Variants in LACC1 observed in about 807,000 individuals in gnomAD.
LACC1 encodes laccase domain multifunctional purine nucleosidase 1.
LACC1 carries 25 observed loss-of-function variants against 34.8 expected under a neutral mutation model. The observed-to-expected ratio is 0.72, with a 90% CI of 0.52 to 1.00. The LOEUF (loss-of-function observed/expected upper bound fraction) is 1.00, where lower values mean the gene tolerates loss of function less well. LACC1 is among the 50% of genes least tolerant of loss of function. The pLI, the probability that LACC1 is intolerant of heterozygous loss-of-function variation, is 0.00. For missense variants in LACC1, 426 were observed against 511.2 expected, an observed-to-expected ratio of 0.83 and a Z score of 1.61; for synonymous variants, 162 against 168.0, an observed-to-expected ratio of 0.96 and a Z score of 0.28.
intron 4 of LACC1, among the ~76,000 whole-genome samples, chr13:43,884,728 A>G (rs900278702): frequency 1.3e-5 from 2 of 152,122 alleles, no homozygotes; most frequent in Non-Finnish European, 1.5e-5. Flanking sequence ...CTACTTGTAA[A>G]TCTATGGCTA....
In LACC1 at chr13:43,883,462, A is replaced by G. The variant is rs533494546; in HGVS notation, c.742-309A>G. Among the ~76,000 whole-genome samples the G allele has an allele frequency of 5.3e-5, 8 of 152,346 alleles. No individual in the cohort carries two copies. In the South Asian group the frequency reaches 1.7e-3, roughly 32 times the overall value. On this transcript the variant is annotated intron_variant, in intron 3 of 6. Coordinates refer to ENST00000325686, the MANE Select transcript of LACC1 (RefSeq NM_153218.4). The stretch of plus-strand genomic sequence containing the variant: ...TTTACAAGAAAAATTTTCATTTTGT[A>G]GAAAGTGCTATAAGAAATGATATAC...
chr13:43,890,947 A>G (rs1955544274), intron 6 of LACC1, among the ~76,000 whole-genome samples: 1 of 152,234 alleles, frequency 6.6e-6, no homozygotes, highest in African/African-American at 2.4e-5. Flanking sequence ...GTGTTCCAAT[A>G]AAACTTTGTT....
chr13:43,888,823 G>C lies in LACC1; in HGVS notation c.974G>C (p.Cys325Ser). ...AATGCTATGATAGCAGAATATGGCT[G>C]CAGTTTGGAAGACATTGTTGTTGTA... ...TVNAMIAEYGCSLEDIVVVLG... is the reference protein window; with the variant it reads ...TVNAMIAEYGSSLEDIVVVLG... The change falls in exon 5 of 7, where the codon TGC (cysteine) becomes TCC (serine). Residue 325 changes from cysteine to serine, a missense_variant. Transcript: ENST00000325686. 6.2e-7 allele frequency: 1 copy of C among 1,613,908 alleles called. No homozygotes were observed. The highest frequency in any genetic ancestry group is 1.3e-5 in the African/African-American group (1 of 75,030).
intron 6 of LACC1, among the ~76,000 whole-genome samples, chr13:43,890,538 G>C (rs1287613579): frequency 6.6e-6 from 1 of 152,044 alleles, no homozygotes; most frequent in Admixed American, 6.5e-5. Flanking sequence ...AGTTAATGAA[G>C]AATAATTAGG....
intron 3 of LACC1, among the ~76,000 whole-genome samples, chr13:43,883,368 T>A (rs1955165486): frequency 6.6e-6 from 1 of 152,210 alleles, no homozygotes; most frequent in South Asian, 2.1e-4. Context: ...GTCTTGTTCC[T>A]TACAGAATTC....
intron 5 of LACC1, 77 bp downstream of exon 5, chr13:43,889,059 T>G: frequency 8.4e-7 from 1 of 1,190,370 alleles, no homozygotes; most frequent in Non-Finnish European, 1.2e-6. Context: ...GGAGAACAAT[T>G]AATAACTCTA....
At position 43,892,128 on chromosome 13, in the gene LACC1, C is replaced by CA. The variant is rs1955591158; in HGVS notation, c.*684dup. 1 of 147,974 alleles carries CA rather than the reference C, an allele frequency of 6.8e-6. No homozygotes were observed. Among genetic ancestry groups the CA allele is most frequent in the South Asian group, 2.1e-4 (1 of 4,732 alleles). The allele number at this position is 147,974 out of a possible 1,614,324, so 9.2% of individuals were successfully genotyped here. The stretch of plus-strand genomic sequence containing the variant: ...GTTGGAAACAGATAAGTAAGGGTCT[C>CA]AAATGCAATGTCAAAGAGCTTGCAG... On this transcript the variant is annotated 3_prime_UTR_variant, in exon 7 of 7. Coordinates refer to ENST00000325686, the MANE Select transcript of LACC1 (RefSeq NM_153218.4).
intron 2 of LACC1, 65 bp from the exon 3 acceptor site, chr13:43,882,107 AGTGATCAGGGAAG>A: frequency 2.9e-6 from 3 of 1,052,180 alleles, no homozygotes; most frequent in Non-Finnish European, 4.1e-6. Context: ...GGCAGGTAGC[AGTGATCAGGGAAG>A]GTCTAATTGA....
chr13:43,879,550 C>G (rs1330891336), upstream of LACC1: 1 of 152,252 alleles, frequency 6.6e-6, no homozygotes, highest in Non-Finnish European at 1.5e-5. Flanking sequence ...GCTCGCGGCG[C>G]TTGGCTCATC....
At chr13:43,880,862 T>A in intron 1 of LACC1, 90 bp from the exon 2 acceptor site, 1 of 809,526 alleles carries the variant, frequency 1.2e-6, no homozygotes, top group Non-Finnish European at 1.9e-6. Context: ...AAAATCAGTG[T>A]AATTACTTCG....
In LACC1 at chr13:43,892,466, T is replaced by TA. The variant is rs1159052055; in HGVS notation, c.*1019_*1020insA. ...GAAAAGTCATTAATGACTCTAAGAT[T>TA]TCTGCTTGGCTGCTTACCAAGATTG... On this transcript the variant is annotated 3_prime_UTR_variant, in exon 7 of 7. Coordinates refer to ENST00000325686, the MANE Select transcript of LACC1 (RefSeq NM_153218.4). 1.3e-5 allele frequency: 2 copies of TA among 151,990 alleles called. No homozygotes were observed. The highest frequency in any genetic ancestry group is 2.9e-5 in the Non-Finnish European group (2 of 67,968). The allele number at this position is 151,990 out of a possible 1,614,324, so 9.4% of individuals were successfully genotyped here. A position where few individuals can be genotyped will look rare whatever the true frequency, so the allele number is the denominator to read the frequency against.
Position 43,880,011 on chromosome 13 carries a change from G to C in LACC1, c.-143G>C, listed in dbSNP as rs1191159593. The C allele has an allele frequency of 6.6e-6, 1 of 152,380 alleles. No homozygotes were observed. Among genetic ancestry groups the C allele is most frequent in the African/African-American group, 2.4e-5 (1 of 41,426 alleles). The allele number at this position is 152,380 out of a possible 1,614,324, so 9.4% of individuals were successfully genotyped here. A position where few individuals can be genotyped will look rare whatever the true frequency, so the allele number is the denominator to read the frequency against. On this transcript the variant is annotated 5_prime_UTR_variant, in exon 1 of 7. Coordinates refer to ENST00000325686, the MANE Select transcript of LACC1 (RefSeq NM_153218.4). ...AGAGCGGGAAGGCGAGGACCGAATCGCCTCTGGTGTGCGTTGTCCGACAGG... is the reference window on the plus strand; with the variant it reads ...AGAGCGGGAAGGCGAGGACCGAATCCCCTCTGGTGTGCGTTGTCCGACAGG...
intron 1 of LACC1, 62 bp from the exon 2 acceptor site, chr13:43,880,890 A>G: frequency 4.5e-6 from 5 of 1,106,874 alleles, no homozygotes; most frequent in Non-Finnish European, 6.4e-6. Flanking sequence ...TCTACCACAA[A>G]TTTCTGTTGT....
At chr13:43,882,520 C>T (rs1299505727) in intron 3 of LACC1, among the ~76,000 whole-genome samples, 157 bp downstream of exon 3, 1 of 146,862 alleles carries the variant, frequency 6.8e-6, no homozygotes, top group Non-Finnish European at 1.5e-5. Context: ...TACACCATAG[C>T]CTAAAGATAA....
Position 43,893,717 on chromosome 13 carries a change from T to C in LACC1, c.*2270T>C, listed in dbSNP as rs1393514674. ...AAGGCACTAAACATAAAGCATAGGA[T>C]AGAAATGTTGAACTCATCCAAAATA... On this transcript the variant is annotated 3_prime_UTR_variant, in exon 7 of 7. Coordinates refer to ENST00000325686, the MANE Select transcript of LACC1 (RefSeq NM_153218.4). 2.0e-5 allele frequency: 3 copies of C among 152,114 alleles called. No homozygotes were observed. Among genetic ancestry groups the C allele is most frequent in the Admixed American group, 6.6e-5 (1 of 15,262 alleles). The allele number at this position is 152,114 out of a possible 1,614,324, so 9.4% of individuals were successfully genotyped here.
intron 4 of LACC1, among the ~76,000 whole-genome samples, chr13:43,884,394 G>T (rs1233210486): frequency 6.6e-6 from 1 of 152,178 alleles, no homozygotes; most frequent in Non-Finnish European, 1.5e-5. Flanking sequence ...GAGTGGTACT[G>T]CCTCTGGTTG....
chr13:43,880,158 C>A (rs1954923916), intron 1 of LACC1, 39 bp downstream of exon 1: 1 of 140,930 alleles, frequency 7.1e-6, no homozygotes, highest in Non-Finnish European at 1.5e-5. Context: ...ACACGTTGGG[C>A]GGAAATTCAC....
Position 43,883,750 on chromosome 13 carries a change from G to A in LACC1, c.742-21G>A, listed in dbSNP as rs200708731. ...GAAATACTATTTCCAAAACATTTTT[G>A]TTGCACATTTTTGGTATTAGACTCA... On this transcript the variant is annotated intron_variant, in intron 3 of 6. Coordinates refer to ENST00000325686, the MANE Select transcript of LACC1 (RefSeq NM_153218.4). 238 of 1,569,672 alleles carry A rather than the reference G, an allele frequency of 1.5e-4. 1 individual carries two copies. Among genetic ancestry groups the A allele is most frequent in the Non-Finnish European group, 2.0e-4 (231 of 1,154,702 alleles).
At chr13:43,889,052 G>C in intron 5 of LACC1, 70 bp downstream of exon 5, 1 of 1,290,726 alleles carries the variant, frequency 7.7e-7, no homozygotes, top group South Asian at 1.2e-5. Flanking sequence ...TTATTTTGGA[G>C]AACAATTAAT....
Sources: gnomAD v4.1 joint callset for allele counts (sites outside exome capture counted in the v4.1 genomes callset) on GRCh38, gnomAD v4.1.1 for gene constraint, MANE v1.5 for transcripts, NCBI Gene and HGNC (gene_info 2026-07-23, HGNC 2026-07-21) for gene names.